The following KANSL1L variants were observed in gnomAD, a reference collection of about 807,000 sequenced individuals.
The protein encoded by KANSL1L is KAT8 regulatory NSL complex subunit 1 like.
In KANSL1L, 25 loss-of-function variants were observed where a neutral mutation model predicts 108.6. The observed-to-expected ratio is 0.23, with a 90% CI of 0.17 to 0.32. KANSL1L has a LOEUF of 0.32. Among genes scored for constraint, KANSL1L ranks in the 10% least tolerant of loss-of-function variants. KANSL1L has a pLI of 1.00. For synonymous variants in KANSL1L, 405 were observed against 395.1 expected (o/e 1.03, Z -0.30); for missense variants, 1,137 against 1,125.7 (o/e 1.01, Z -0.14).
rs2095319466 is a variant in KANSL1L, at chr2:210,154,016, T to C, written c.567A>G (p.Lys189=). ...TTTGAGTACAGTGCAATAAACCCTTTTTAATCTCAGCATCAGTAACTTTAT... is the reference window on the plus strand; with the variant it reads ...TTTGAGTACAGTGCAATAAACCCTTCTTAATCTCAGCATCAGTAACTTTAT... ...LLDKVTDAEI[K]KGLLHCTQKK... Residue 189 remains lysine, a synonymous_variant, in exon 2 of 15, where the codon AAA becomes AAG. Coordinates refer to ENST00000281772, the MANE Select transcript of KANSL1L (RefSeq NM_152519.4). 1.2e-6 allele frequency: 2 copies of C among 1,613,888 alleles called. No individual in the cohort carries two copies. Among genetic ancestry groups the C allele is most frequent in the Non-Finnish European group, 1.7e-6 (2 of 1,180,022 alleles).
intron 6 of KANSL1L, among the ~76,000 whole-genome samples, chr2:210,054,472 G>C (rs2094328120): frequency 6.6e-6 from 1 of 152,070 alleles, no homozygotes; most frequent in South Asian, 2.1e-4. Flanking sequence ...AATGTAATTT[G>C]GTTCAATTCT....
At chr2:210,030,212 T>C (rs1331815920) in intron 9 of KANSL1L, among the ~76,000 whole-genome samples, 1 of 151,970 alleles carries the variant, frequency 6.6e-6, no homozygotes, top group Non-Finnish European at 1.5e-5. Context: ...CTCCTATTCA[T>C]AGTTGAACCA....
rs1021164719 is a variant in KANSL1L at position 210,027,265 on chromosome 2, C to T, written c.2451+31G>A. 4.9e-6 allele frequency: 7 copies of T among 1,419,282 alleles called. No individual in the cohort carries two copies. The Admixed American group carries it at 5.0e-5, about 10-fold the overall frequency. The allele number at this position is 1,419,282 out of a possible 1,614,324, so 87.9% of individuals were successfully genotyped here. A position where few individuals can be genotyped will look rare whatever the true frequency, so the allele number is the denominator to read the frequency against. On this transcript the variant is annotated intron_variant, in intron 12 of 14. Transcript: ENST00000281772. ...AGCAGGTTTCATAATACATAATGTGCAATTATCCCATTAAATGAAAGGCAG... is the reference window on the plus strand; with the variant it reads ...AGCAGGTTTCATAATACATAATGTGTAATTATCCCATTAAATGAAAGGCAG...
chr2:210,065,635 G>C (rs921229622), intron 6 of KANSL1L, among the ~76,000 whole-genome samples: 1 of 139,032 alleles, frequency 7.2e-6, no homozygotes, highest in Non-Finnish European at 1.5e-5. Context: ...ATCCAGGCTA[G>C]AGTGCAGTGG....
Position 210,024,180 on chromosome 2 carries a change from T to C in KANSL1L, c.2586A>G (p.Glu862=). The change falls in exon 14 of 15, where the codon GAA becomes GAG. Residue 862 remains glutamate, a synonymous_variant. Coordinates refer to ENST00000281772, the MANE Select transcript of KANSL1L (RefSeq NM_152519.4). ...ATTCTTTCAAAAGCAAGTCCTGTCCTTCAACATTTTTACTGTAAGCTCTAG... is the reference window on the plus strand; with the variant it reads ...ATTCTTTCAAAAGCAAGTCCTGTCCCTCAACATTTTTACTGTAAGCTCTAG... The part of the protein sequence containing the change: ...RNSRAYSKNV[E]GQDLLLKEYP... 6.3e-7 allele frequency: 1 copy of C among 1,583,538 alleles called. No individual in the cohort carries two copies. The highest frequency in any genetic ancestry group is 8.6e-7 in the Non-Finnish European group (1 of 1,166,324).
chr2:210,112,665 A>G (rs528185097), intron 3 of KANSL1L, among the ~76,000 whole-genome samples: 1 of 152,264 alleles, frequency 6.6e-6, no homozygotes, highest in South Asian at 2.1e-4. Context: ...TATTTATGGT[A>G]TATATAATGA....
intron 9 of KANSL1L, 52 bp downstream of exon 9, chr2:210,031,368 AT>A: frequency 1.5e-6 from 2 of 1,324,714 alleles, no homozygotes; most frequent in African/African-American, 1.5e-5. Context: ...TAAAATCAGA[AT>A]TTTTAATTTT....
rs1559540009 is a variant in KANSL1L, at chr2:210,079,702, A to ATGTGTG, written c.1551-3947_1551-3946insCACACA. 7.8e-3 allele frequency: 68 copies of ATGTGTG among 8,668 alleles called. 5 individuals are homozygous for ATGTGTG. Among genetic ancestry groups the ATGTGTG allele is most frequent in the South Asian group, 0.014 (1 of 74 alleles). The allele number at this position is 8,668 out of a possible 1,614,324, so 0.5% of individuals were successfully genotyped here. On this transcript the variant is annotated intron_variant, in intron 5 of 14. Transcript: ENST00000281772. ...TATATATATATATATGTATGTGTGT[A>ATGTGTG]TATATATATATATATATATATATGG...
intron 6 of KANSL1L, among the ~76,000 whole-genome samples, chr2:210,058,387 G>T (rs1047007826): frequency 1.3e-4 from 20 of 152,120 alleles, no homozygotes; most frequent in African/African-American, 4.6e-4. Flanking sequence ...AACTTCATTA[G>T]CAATTTTAAT....
Position 210,022,811 on chromosome 2 carries a change from T to C in KANSL1L, c.*138A>G, listed in dbSNP as rs187051510. 508 of 652,188 alleles carry C rather than the reference T, an allele frequency of 7.8e-4. No homozygotes were observed. The African/African-American group carries it at 8.4e-3, about 11-fold the overall frequency. The allele number at this position is 652,188 out of a possible 1,614,324, so 40.4% of individuals were successfully genotyped here. On this transcript the variant is annotated 3_prime_UTR_variant, in exon 15 of 15. Transcript: ENST00000281772. ...TCCAGAAGGAAAAACAGACTTATCT[T>C]GCCTGTTTCATAAACAGCATAAAAG...
chr2:210,126,589 C>T (rs897215110), intron 3 of KANSL1L, among the ~76,000 whole-genome samples: 2 of 152,070 alleles, frequency 1.3e-5, no homozygotes, highest in African/African-American at 2.4e-5. Context: ...CCAAGGCAGG[C>T]AGATCACTCT....
intron 6 of KANSL1L, among the ~76,000 whole-genome samples, chr2:210,057,772 T>C (rs902598725): frequency 3.9e-5 from 6 of 152,208 alleles, no homozygotes; most frequent in African/African-American, 1.4e-4. Context: ...TACCACAATC[T>C]CCGAACATAA....
chr2:210,102,603 C>G (rs543789290), intron 4 of KANSL1L, among the ~76,000 whole-genome samples: 25 of 152,248 alleles, frequency 1.6e-4, no homozygotes, highest in African/African-American at 5.8e-4. Context: ...CTACAAAGAA[C>G]TCAAACAAAT....
chr2:210,119,170 G>A (rs1233498401), intron 3 of KANSL1L, among the ~76,000 whole-genome samples: 4 of 151,450 alleles, frequency 2.6e-5, no homozygotes, highest in Admixed American at 6.6e-5. Context: ...GTGACAGAGC[G>A]AGGCTCCGTC....
intron 9 of KANSL1L, 34 bp downstream of exon 9, chr2:210,031,387 T>C (rs1428015143): frequency 1.4e-6 from 2 of 1,461,534 alleles, no homozygotes; most frequent in African/African-American, 1.4e-5. Context: ...TTTTAATATT[T>C]ATCACTACTG....
At chr2:210,133,852 C>T (rs1455775900) in intron 2 of KANSL1L, among the ~76,000 whole-genome samples, 1 of 152,164 alleles carries the variant, frequency 6.6e-6, no homozygotes, top group African/African-American at 2.4e-5. Flanking sequence ...TTCAGACCCA[C>T]ATATTTACCA....
At chr2:210,153,029 A>G (rs2095313235) in intron 2 of KANSL1L, 1 of 153,568 alleles carries the variant, frequency 6.5e-6, no homozygotes, top group South Asian at 2.0e-4. Flanking sequence ...CAAACAAAAC[A>G]TTAAAAAAAT....
chr2:210,100,591 G>T (rs907333374), intron 4 of KANSL1L, among the ~76,000 whole-genome samples: 1 of 152,064 alleles, frequency 6.6e-6, no homozygotes, highest in Non-Finnish European at 1.5e-5. Context: ...ATAATAATGG[G>T]CTTGCCATAC....
At chr2:210,023,301 C>T (rs1201243548) in intron 14 of KANSL1L, 122 bp from the exon 15 acceptor site, 11 of 686,532 alleles carry the variant, frequency 1.6e-5, no homozygotes, top group Non-Finnish European at 2.2e-5. Context: ...CATAAATGTA[C>T]AATTTTTCAT....
Sources: gnomAD v4.1 joint callset for allele counts (sites outside exome capture counted in the v4.1 genomes callset) on GRCh38, gnomAD v4.1.1 for gene constraint, MANE v1.5 for transcripts, NCBI Gene and HGNC (gene_info 2026-07-23, HGNC 2026-07-21) for gene names.